DZIP1L: variants seen among roughly 807,000 people sequenced by gnomAD.
The protein encoded by DZIP1L is cilium assembly protein DZIP1L.
In DZIP1L, 90 loss-of-function variants were observed where a neutral mutation model predicts 88.7. That is an observed-to-expected ratio of 1.02 (90% CI 0.86 to 1.21). DZIP1L has a LOEUF of 1.21. Ranked by LOEUF, DZIP1L falls within the 50% of genes most tolerant of loss-of-function variation. DZIP1L has a pLI of 0.00. For missense variants in DZIP1L, 932 were observed against 955.8 expected (o/e 0.98, Z 0.33); for synonymous variants, 363 against 372.1 (o/e 0.98, Z 0.28).
intron 5 of DZIP1L, among the ~76,000 whole-genome samples, chr3:138,089,507 C>T (rs933123528): frequency 6.6e-6 from 1 of 152,156 alleles, no homozygotes; most frequent in Non-Finnish European, 1.5e-5. Flanking sequence ...AGCTCTCAGA[C>T]TTCTGTATCA....
At chr3:138,066,239 A>G (rs1394505796) in intron 14 of DZIP1L, among the ~76,000 whole-genome samples, 12 of 152,220 alleles carry the variant, frequency 7.9e-5, no homozygotes, top group Non-Finnish European at 1.2e-4. Flanking sequence ...ATTTGTCAAA[A>G]TGTTCATGGT....
At chr3:138,112,857 G>T (rs1238818132) in intron 1 of DZIP1L, among the ~76,000 whole-genome samples, 1 of 152,150 alleles carries the variant, frequency 6.6e-6, no homozygotes, top group Non-Finnish European at 1.5e-5. Context: ...TGAGGCAGGA[G>T]AATCACTTCA....
intron 5 of DZIP1L, among the ~76,000 whole-genome samples, chr3:138,090,714 T>C (rs990396899): frequency 2.0e-5 from 3 of 152,148 alleles, no homozygotes; most frequent in Non-Finnish European, 4.4e-5. Flanking sequence ...GGTGCTTCTT[T>C]AGGTAAAACG....
intron 1 of DZIP1L, 116 bp from the exon 2 acceptor site, chr3:138,104,168 G>T: frequency 1.0e-6 from 1 of 977,890 alleles, no homozygotes; most frequent in Non-Finnish European, 1.5e-6. Context: ...AGCAGCTGTA[G>T]CATTCATGGT....
Position 138,062,867 on chromosome 3 carries a change from C to A in DZIP1L, c.2253G>T (p.Lys751Asn), listed in dbSNP as rs771430325. Reference sequence around the variant, plus strand: ...CAGAGCTCTGTGGACCAGTGCCAAACTTCTCTGGGAGCTTTGAGCGAGACA... The same window carrying A: ...CAGAGCTCTGTGGACCAGTGCCAAAATTCTCTGGGAGCTTTGAGCGAGACA... ...KPLSRSKLPE[K>N]FGTGPQSSGQ... The change falls in exon 16 of 16, where the codon AAG becomes AAT. Residue 751 changes from lysine (K) to asparagine (N), a missense_variant. Physicochemically the swap from Lys to Asn is moderately conservative, Grantham distance 94. Transcript: ENST00000327532. 5 of 1,614,094 alleles carry A rather than the reference C, an allele frequency of 3.1e-6. No individual in the cohort carries two copies. Among genetic ancestry groups the A allele is most frequent in the Non-Finnish European group, 4.2e-6 (5 of 1,180,058 alleles).
intron 1 of DZIP1L, among the ~76,000 whole-genome samples, chr3:138,104,371 G>A (rs2042417966): frequency 6.6e-6 from 1 of 152,238 alleles, no homozygotes; most frequent in African/African-American, 2.4e-5. Context: ...CTAGTGCCTG[G>A]CACATAGCAG....
intron 2 of DZIP1L, among the ~76,000 whole-genome samples, chr3:138,100,396 G>C (rs1944678205): frequency 6.6e-6 from 1 of 152,178 alleles, no homozygotes; most frequent in Non-Finnish European, 1.5e-5. Context: ...TCTTCCATTT[G>C]ACTGTTCTGA....
chr3:138,077,026 A>G (rs1463556319), intron 11 of DZIP1L, among the ~76,000 whole-genome samples: 4 of 152,140 alleles, frequency 2.6e-5, no homozygotes, highest in Non-Finnish European at 5.9e-5. Flanking sequence ...TACTTCTCAA[A>G]AAAAAAAACA....
rs768539834 is a variant in DZIP1L, at chr3:138,092,366, C to T, written c.870+17G>A. ...TTTCCAACAAAGAAACTTTAAAAAG[C>T]CTTTTATGTTGGGTACCTCTTCTAG... On this transcript the variant is annotated intron_variant, in intron 5 of 15. Transcript: ENST00000327532. The T allele has an allele frequency of 3.3e-5, 50 of 1,503,270 alleles. No homozygotes were observed. In the Admixed American group the frequency reaches 1.1e-3, roughly 35 times the overall value. 93.1% of individuals were successfully genotyped at this position (1,503,270 alleles called of 1,614,324 possible).
rs329388 is a variant in DZIP1L, at chr3:138,063,081, A to C, written c.2143-104T>G. On this transcript the variant is annotated intron_variant, in intron 15 of 15. Coordinates refer to ENST00000327532, the MANE Select transcript of DZIP1L (RefSeq NM_173543.3). The surrounding 1 kb of genome is among the most constrained non-coding windows in gnomAD (Gnocchi z 4.1). ...GGGAATGCAGAATGGAAATGGGGAC[A>C]AATGCAGACTGGGAAGAAAGCAATA... 0.82 allele frequency: 1,061,359 copies of C among 1,301,224 alleles called. 443,627 individuals are homozygous for C. The highest frequency in any genetic ancestry group is 0.87 in the Non-Finnish European group (817,184 of 938,394). 80.6% of individuals were successfully genotyped at this position (1,301,224 alleles called of 1,614,324 possible).
chr3:138,062,717 G>T lies in DZIP1L; in HGVS notation c.*99C>A. 7.4e-7 allele frequency: 1 copy of T among 1,350,584 alleles called. No homozygotes were observed. The highest frequency in any genetic ancestry group is 1.0e-6 in the Non-Finnish European group (1 of 962,840). 83.7% of individuals were successfully genotyped at this position (1,350,584 alleles called of 1,614,324 possible). On this transcript the variant is annotated 3_prime_UTR_variant, in exon 16 of 16. Coordinates refer to ENST00000327532, the MANE Select transcript of DZIP1L (RefSeq NM_173543.3). ...TCTCCAAGAGGATGATCTCTTGGTT[G>T]TTTGTGAAGACAAGAGGCCCAGCAG...
At chr3:138,082,362 A>G (rs1299212709) in intron 8 of DZIP1L, among the ~76,000 whole-genome samples, 1 of 152,252 alleles carries the variant, frequency 6.6e-6, no homozygotes, top group African/African-American at 2.4e-5. Flanking sequence ...CTGGACTGGT[A>G]ATGAATGATG....
intron 12 of DZIP1L, among the ~76,000 whole-genome samples, chr3:138,071,257 G>A (rs1017882780): frequency 6.6e-6 from 1 of 152,196 alleles, no homozygotes; most frequent in African/African-American, 2.4e-5. Context: ...TGGCATGCCT[G>A]GTGTGTAGAG....
chr3:138,069,327 C>A (rs568825751), intron 12 of DZIP1L, among the ~76,000 whole-genome samples: 34 of 152,316 alleles, frequency 2.2e-4, no homozygotes, highest in Middle Eastern at 3.4e-3. Flanking sequence ...ATATAACATA[C>A]AAAATGTGTG....
At chr3:138,100,478 T>C (rs1944681970) in intron 2 of DZIP1L, among the ~76,000 whole-genome samples, 1 of 152,208 alleles carries the variant, frequency 6.6e-6, no homozygotes, top group South Asian at 2.1e-4. Context: ...TAGCAAATTA[T>C]TGAACCTCAA....
At chr3:138,089,147 C>T (rs1380283376) in intron 5 of DZIP1L, 1 of 985,214 alleles carries the variant, frequency 1.0e-6, no homozygotes, top group East Asian at 1.1e-4. Context: ...ACTCATAAGC[C>T]CTATTAAGGC....
At chr3:138,101,363 G>C (rs1258733104) in intron 2 of DZIP1L, 2 of 647,960 alleles carry the variant, frequency 3.1e-6, no homozygotes, top group Admixed American at 2.4e-5. Context: ...TTGAGGGCTA[G>C]GGCTGAGCCT....
chr3:138,106,869 AG>A (rs11342514), intron 1 of DZIP1L, among the ~76,000 whole-genome samples: 89,836 of 147,594 alleles, frequency 0.61, 28,239 homozygotes, highest in Non-Finnish European at 0.7. Context: ...CAAAAAAAAA[AG>A]AGAGAGAGAG....
chr3:138,084,474 A>T (rs1485685789), intron 7 of DZIP1L, among the ~76,000 whole-genome samples: 2 of 152,266 alleles, frequency 1.3e-5, no homozygotes, highest in African/African-American at 4.8e-5. Flanking sequence ...AGACCAGGAG[A>T]GAAAGGTGTA....
Sources: allele counts gnomAD v4.1 joint callset (sites outside exome capture counted in the v4.1 genomes callset), GRCh38; gene constraint gnomAD v4.1.1; non-coding constraint Gnocchi (gnomAD v3.1); transcripts MANE v1.5; gene names NCBI Gene and HGNC (gene_info 2026-07-23, HGNC 2026-07-21).